Variants in GRIN3A observed in about 807,000 individuals in gnomAD.
The protein encoded by GRIN3A is glutamate ionotropic receptor NMDA type subunit 3A.
Under a neutral mutation model 92.4 loss-of-function variants are expected in GRIN3A, and 47 were observed. The observed-to-expected ratio is 0.51, with a 90% CI of 0.40 to 0.65. The LOEUF is 0.65. GRIN3A is among the 30% of genes least tolerant of loss of function. GRIN3A has a pLI of 0.00. For missense variants in GRIN3A, 1,324 were observed against 1,393.1 expected (o/e 0.95, Z 0.79); for synonymous variants, 527 against 540.6 (o/e 0.97, Z 0.35).
chr9:101,690,034 C>T (rs909705406), intron 1 of GRIN3A, among the ~76,000 whole-genome samples: 13 of 152,108 alleles, frequency 8.5e-5, no homozygotes, highest in Non-Finnish European at 1.8e-4. Context: ...AAGCCTGTCT[C>T]TATCATGCAG....
chr9:101,644,591 A>T (rs76805986), intron 3 of GRIN3A, among the ~76,000 whole-genome samples: 9,767 of 151,994 alleles, frequency 0.064, 1,035 homozygotes, highest in African/African-American at 0.22. Context: ...GAAAAACTTA[A>T]CTAGTTCTAC....
At chr9:101,679,797 G>A (rs1829445352) in intron 2 of GRIN3A, among the ~76,000 whole-genome samples, 1 of 152,232 alleles carries the variant, frequency 6.6e-6, no homozygotes, top group Non-Finnish European at 1.5e-5. Flanking sequence ...CCAACCCCTG[G>A]CTTCCATGTT....
At chr9:101,659,394 A>C (rs1415328384) in intron 3 of GRIN3A, among the ~76,000 whole-genome samples, 1 of 147,354 alleles carries the variant, frequency 6.8e-6, no homozygotes, top group African/African-American at 2.5e-5. Context: ...GAAAGTATCT[A>C]TGTATTTATT....
intron 3 of GRIN3A, among the ~76,000 whole-genome samples, chr9:101,633,708 A>C (rs796576776): frequency 4.6e-5 from 7 of 152,312 alleles, no homozygotes; most frequent in African/African-American, 1.7e-4. Context: ...TGATAAATGT[A>C]ATATACTTGG....
intron 3 of GRIN3A, among the ~76,000 whole-genome samples, chr9:101,664,509 A>T (rs1458282179): frequency 6.6e-6 from 1 of 151,880 alleles, no homozygotes; most frequent in Non-Finnish European, 1.5e-5. Flanking sequence ...TTAAGTGAGG[A>T]TAGAATCATC....
At chr9:101,723,766 G>A (rs1830044762) in intron 1 of GRIN3A, among the ~76,000 whole-genome samples, 1 of 152,176 alleles carries the variant, frequency 6.6e-6, no homozygotes, top group Non-Finnish European at 1.5e-5. Context: ...TAGATACAGA[G>A]TGTCGATTGG....
chr9:101,635,124 C>T (rs1340441460), intron 3 of GRIN3A, among the ~76,000 whole-genome samples: 6 of 152,130 alleles, frequency 3.9e-5, no homozygotes, highest in Admixed American at 6.5e-5. Context: ...TTTCTGAAGC[C>T]GTCTACGTTA....
chr9:101,718,317 G>A (rs1829971841), intron 1 of GRIN3A, among the ~76,000 whole-genome samples: 2 of 152,164 alleles, frequency 1.3e-5, no homozygotes, highest in African/African-American at 2.4e-5. Context: ...ATCATGGTAG[G>A]GAGAGAGTGG....
intron 1 of GRIN3A, among the ~76,000 whole-genome samples, chr9:101,705,971 T>C (rs930457101): frequency 5.3e-5 from 8 of 152,140 alleles, no homozygotes; most frequent in African/African-American, 1.4e-4. Context: ...AATCATTACA[T>C]TTTACTGTCT....
Position 101,737,285 on chromosome 9 carries a change from C to T in GRIN3A, c.695G>A (p.Ser232Asn). The T allele has an allele frequency of 1.2e-6, 2 of 1,614,096 alleles. No individual in the cohort carries two copies. Among genetic ancestry groups the T allele is most frequent in the Non-Finnish European group, 1.7e-6 (2 of 1,179,952 alleles). The change falls in exon 1 of 9, where the codon AGT (serine) becomes AAT (asparagine). Residue 232 changes from serine to asparagine, a missense_variant. Transcript: ENST00000361820. ...CACGCACCAGGCTCCTCTCACCTGA[C>T]TCTCCCGTGGAAACTCGTGGCGCAC... ...SIVRHEFPRE[S>N]QNPLHLQLSL...
chr9:101,710,363 CTTG>C (rs979844638), intron 1 of GRIN3A, among the ~76,000 whole-genome samples: 2 of 152,150 alleles, frequency 1.3e-5, no homozygotes, highest in Non-Finnish European at 2.9e-5. Context: ...TAAAAATTCA[CTTG>C]TTGTATAGAG....
In GRIN3A at chr9:101,572,443, T is replaced by C. The variant is rs1373667077; in HGVS notation, c.*731A>G. 6.5e-6 allele frequency: 1 copy of C among 152,844 alleles called. No individual in the cohort carries two copies. Among genetic ancestry groups the C allele is most frequent in the Non-Finnish European group, 1.5e-5 (1 of 68,200 alleles). 9.5% of individuals were successfully genotyped at this position (152,844 alleles called of 1,614,324 possible). On this transcript the variant is annotated 3_prime_UTR_variant, in exon 9 of 9. Transcript: ENST00000361820. ...TGCCTTTCTGGCCCAGAGCTTTTGTTCTGAAAGCATGGTATGCATTTTTAA... is the reference window on the plus strand; with the variant it reads ...TGCCTTTCTGGCCCAGAGCTTTTGTCCTGAAAGCATGGTATGCATTTTTAA...
intron 5 of GRIN3A, among the ~76,000 whole-genome samples, chr9:101,623,071 T>C (rs960042436): frequency 1.3e-5 from 2 of 151,784 alleles, no homozygotes; most frequent in Admixed American, 1.3e-4. Context: ...CTCCCAGATA[T>C]CTGAAACAAC....
intron 6 of GRIN3A, among the ~76,000 whole-genome samples, chr9:101,587,698 A>G (rs1019331903): frequency 6.6e-5 from 10 of 152,348 alleles, no homozygotes; most frequent in African/African-American, 2.4e-4. Flanking sequence ...TAAGCTTTGT[A>G]TCATCTCCTC....
intron 3 of GRIN3A, among the ~76,000 whole-genome samples, chr9:101,643,775 A>T (rs1407317609): frequency 6.6e-6 from 1 of 150,870 alleles, no homozygotes; most frequent in Non-Finnish European, 1.5e-5. Context: ...AGAGGATATT[A>T]TGTTAAATGA....
At chr9:101,687,253 T>A in intron 1 of GRIN3A, 53 bp from the exon 2 acceptor site, 1 of 1,578,082 alleles carries the variant, frequency 6.3e-7, no homozygotes, top group Non-Finnish European at 8.7e-7. Flanking sequence ...CCAAAGACTT[T>A]AACATAGGGT....
At chr9:101,589,302 C>A (rs1827993313) in intron 6 of GRIN3A, among the ~76,000 whole-genome samples, 1 of 152,068 alleles carries the variant, frequency 6.6e-6, no homozygotes, top group African/African-American at 2.4e-5. Context: ...ATTTTTATTT[C>A]TTTGAGATAT....
rs549504871 is a variant in GRIN3A, at chr9:101,722,426, T to G, written c.699+14855A>C. Among the ~76,000 whole-genome samples the G allele has an allele frequency of 4.6e-5, 7 of 152,220 alleles. No homozygotes were observed. The East Asian group carries it at 9.6e-4, about 21-fold the overall frequency. On this transcript the variant is annotated intron_variant, in intron 1 of 8. Coordinates refer to ENST00000361820, the MANE Select transcript of GRIN3A (RefSeq NM_133445.3). ...CCCCACAGAGTCCCTACTGAAGCAC[T>G]GCCTAGTGGAGCTGTGAGAAGAGGG...
chr9:101,626,034 G>A (rs1163695494), intron 4 of GRIN3A, among the ~76,000 whole-genome samples: 2 of 152,146 alleles, frequency 1.3e-5, no homozygotes, highest in African/African-American at 2.4e-5. Context: ...AAGGCGAAAA[G>A]CAGTCAGCTC....
Sources: allele counts gnomAD v4.1 joint callset (sites outside exome capture counted in the v4.1 genomes callset), GRCh38; gene constraint gnomAD v4.1.1; transcripts MANE v1.5; gene names NCBI Gene and HGNC (gene_info 2026-07-23, HGNC 2026-07-21).